TEC: variants seen among roughly 807,000 people sequenced by gnomAD.
The protein encoded by TEC is tyrosine-protein kinase Tec.
In TEC, 72 loss-of-function variants were observed where a neutral mutation model predicts 93.0. The observed-to-expected ratio is 0.77, with a 90% CI of 0.64 to 0.94. TEC has a LOEUF of 0.94. Among genes scored for constraint, TEC ranks in the 40% least tolerant of loss-of-function variants. The pLI is 0.00. For synonymous variants in TEC, 249 were observed against 247.7 expected, an observed-to-expected ratio of 1.01 and a Z score of -0.05; for missense variants, 630 against 757.9, an observed-to-expected ratio of 0.83 and a Z score of 1.98.
intron 1 of TEC, among the ~76,000 whole-genome samples, chr4:48,234,993 G>A (rs1199760771): frequency 1.3e-5 from 2 of 151,984 alleles, no homozygotes; most frequent in African/African-American, 4.8e-5. Flanking sequence ...CCTCTACTCT[G>A]TAAAATAGAA....
At chr4:48,201,237 A>C (rs1007017779) in intron 2 of TEC, among the ~76,000 whole-genome samples, 1 of 152,156 alleles carries the variant, frequency 6.6e-6, no homozygotes, top group Admixed American at 6.5e-5. Flanking sequence ...AGACCATGGT[A>C]CCAATTACTG....
intron 1 of TEC, among the ~76,000 whole-genome samples, chr4:48,265,111 A>G (rs1724599083): frequency 6.6e-6 from 1 of 152,148 alleles, no homozygotes; most frequent in Admixed American, 6.5e-5. Flanking sequence ...GCTCCAAAAA[A>G]TCATTAAGCT....
intron 1 of TEC, among the ~76,000 whole-genome samples, chr4:48,255,182 C>G (rs1724308533): frequency 6.6e-6 from 1 of 152,162 alleles, no homozygotes; most frequent in Admixed American, 6.5e-5. Flanking sequence ...AGTGTGCTCT[C>G]ACCACCGTGC....
chr4:48,163,813 G>C (rs1160319986), intron 7 of TEC, 46 bp from the exon 8 acceptor site: 2 of 893,478 alleles, frequency 2.2e-6, no homozygotes, highest in East Asian at 3.4e-5. Flanking sequence ...TTACTGGGAG[G>C]TTATTGAAAG....
chr4:48,225,543 G>A (rs953989193), intron 2 of TEC, among the ~76,000 whole-genome samples: 1 of 152,056 alleles, frequency 6.6e-6, no homozygotes, highest in African/African-American at 2.4e-5. Context: ...TTGATCCACG[G>A]CAAACAGTGA....
At chr4:48,209,699 G>A (rs1252215209) in intron 2 of TEC, among the ~76,000 whole-genome samples, 3 of 152,150 alleles carry the variant, frequency 2.0e-5, no homozygotes, top group African/African-American at 4.8e-5. Context: ...CTATTCACAA[G>A]AGTAGCTAAA....
At chr4:48,211,086 A>G (rs937647965) in intron 2 of TEC, among the ~76,000 whole-genome samples, 3 of 152,210 alleles carry the variant, frequency 2.0e-5, no homozygotes, top group Admixed American at 1.3e-4. Context: ...AGATTAAGTA[A>G]TTTGTCCTAG....
intron 15 of TEC, 107 bp downstream of exon 15, chr4:48,141,248 G>T: frequency 1.1e-6 from 1 of 951,342 alleles, no homozygotes. Flanking sequence ...CTGAGAACCA[G>T]TTAACAAGAT....
At chr4:48,258,997 T>C (rs1213051920) in intron 1 of TEC, among the ~76,000 whole-genome samples, 4 of 152,226 alleles carry the variant, frequency 2.6e-5, no homozygotes, top group Admixed American at 2.0e-4. Flanking sequence ...ACATTAAATT[T>C]ACCGTGAGTC....
intron 2 of TEC, among the ~76,000 whole-genome samples, chr4:48,203,713 A>C (rs1382948414): frequency 1.3e-5 from 2 of 152,182 alleles, no homozygotes; most frequent in African/African-American, 4.8e-5. Flanking sequence ...ATTTCAAATG[A>C]AGGCTTTTTA....
chr4:48,243,692 C>A (rs1723978514), intron 1 of TEC, among the ~76,000 whole-genome samples: 1 of 152,066 alleles, frequency 6.6e-6, no homozygotes, highest in South Asian at 2.1e-4. Context: ...AGTGCTAGAC[C>A]ACAGATGGTT....
chr4:48,149,651 T>C lies in TEC; in HGVS notation c.912A>G (p.Glu304=). The stretch of plus-strand genomic sequence containing the variant: ...AATACTTCTTTGGAGATGTTGTTGT[T>C]TCCTTTATATGATAATGCCTAAAAC... ...SSGFRHYHIK[E]TTTSPKKYYL... is the part of the protein sequence containing the mutation. Residue 304 remains glutamate, a synonymous_variant, in exon 11 of 18, where the codon GAA becomes GAG. Transcript: ENST00000381501. The C allele has an allele frequency of 6.2e-7, 1 of 1,612,338 alleles. No homozygotes were observed. Among genetic ancestry groups the C allele is most frequent in the South Asian group, 1.1e-5 (1 of 90,606 alleles).
chr4:48,258,566 A>G (rs942164189), intron 1 of TEC, among the ~76,000 whole-genome samples: 1 of 152,230 alleles, frequency 6.6e-6, no homozygotes, highest in Non-Finnish European at 1.5e-5. Flanking sequence ...TTTTAAAAAT[A>G]ATAACTAGAG....
At chr4:48,156,600 A>C in intron 9 of TEC, 80 bp downstream of exon 9, 2 of 1,260,728 alleles carry the variant, frequency 1.6e-6, no homozygotes, top group Non-Finnish European at 2.2e-6. Context: ...ATTTAGAAAG[A>C]GAGATATGTG....
intron 1 of TEC, among the ~76,000 whole-genome samples, chr4:48,255,236 C>A (rs948147180): frequency 6.6e-6 from 1 of 152,174 alleles, no homozygotes; most frequent in African/African-American, 2.4e-5. Context: ...TGTATTGCGG[C>A]TTCCTCCATG....
chr4:48,220,153 A>AGG (rs1723214331), intron 2 of TEC, among the ~76,000 whole-genome samples: 2 of 150,190 alleles, frequency 1.3e-5, no homozygotes, highest in African/African-American at 4.9e-5. Flanking sequence ...TTAAATTCCT[A>AGG]AATACATTTA....
chr4:48,149,799 A>T, intron 10 of TEC, 109 bp from the exon 11 acceptor site: 1 of 1,067,256 alleles, frequency 9.4e-7, no homozygotes, highest in Non-Finnish European at 1.3e-6. Context: ...GATCCCATCT[A>T]TTCCTGGCAC....
rs114076884 is a variant in TEC, at chr4:48,167,758, C to A, written c.671+20G>T. On this transcript the variant is annotated intron_variant, in intron 7 of 17. Coordinates refer to ENST00000381501, the MANE Select transcript of TEC (RefSeq NM_003215.3). The stretch of plus-strand genomic sequence containing the variant: ...TCCCACCTACCCACTGCATATCACA[C>A]ACATAGAGGGAATACTTACCCATAT... 11 of 1,611,936 alleles carry A rather than the reference C, an allele frequency of 6.8e-6. No individual in the cohort carries two copies. Among genetic ancestry groups the A allele is most frequent in the Non-Finnish European group, 9.3e-6 (11 of 1,178,534 alleles).
intron 1 of TEC, among the ~76,000 whole-genome samples, chr4:48,244,386 G>A (rs1222687061): frequency 2.0e-5 from 3 of 152,196 alleles, no homozygotes; most frequent in African/African-American, 2.4e-5. Flanking sequence ...ACATCTTAAC[G>A]TGGATGGCGG....
Sources: allele counts gnomAD v4.1 joint callset (sites outside exome capture counted in the v4.1 genomes callset), GRCh38; gene constraint gnomAD v4.1.1; transcripts MANE v1.5; gene names NCBI Gene and HGNC (gene_info 2026-07-23, HGNC 2026-07-21).